ABCG2: variants seen among roughly 807,000 people sequenced by gnomAD.
ABCG2 encodes broad substrate specificity ATP-binding cassette transporter ABCG2.
Under a neutral mutation model 73.5 loss-of-function variants are expected in ABCG2, and 80 were observed. That is an observed-to-expected ratio of 1.09 (90% CI 0.91 to 1.31). ABCG2 has a LOEUF of 1.31. Ranked by LOEUF, ABCG2 falls within the 50% of genes most tolerant of loss-of-function variation. The probability of loss-of-function intolerance (pLI) is 0.00; values close to 1 mark genes in which losing one functional copy is unlikely to be tolerated. For missense variants in ABCG2, 796 were observed against 786.2 expected (o/e 1.01, Z -0.15); for synonymous variants, 269 against 282.4 (o/e 0.95, Z 0.48).
At chr4:88,213,430 C>T (rs1004822142) in intron 1 of ABCG2, among the ~76,000 whole-genome samples, 12 of 152,030 alleles carry the variant, frequency 7.9e-5, no homozygotes, top group Non-Finnish European at 1.5e-4. Flanking sequence ...TTCTGTTCAC[C>T]GTATCTGCCC....
Position 88,118,000 on chromosome 4 carries a change from C to A in ABCG2, c.841+109G>T, listed in dbSNP as rs1723709143. ...CAAACACATTTTGAAGTGATAGATTCTCATGGTATGTCTACCCAAAGACCA... is the reference window on the plus strand; with the variant it reads ...CAAACACATTTTGAAGTGATAGATTATCATGGTATGTCTACCCAAAGACCA... On this transcript the variant is annotated intron_variant, in intron 7 of 15. Coordinates refer to ENST00000237612, the MANE Select transcript of ABCG2 (RefSeq NM_004827.3). The A allele has an allele frequency of 2.0e-5, 22 of 1,081,694 alleles. No individual in the cohort carries two copies. In the South Asian group the frequency reaches 3.9e-4, roughly 19 times the overall value. The allele number at this position is 1,081,694 out of a possible 1,614,324, so 67.0% of individuals were successfully genotyped here.
At chr4:88,171,389 G>T (rs1200356510) in intron 1 of ABCG2, among the ~76,000 whole-genome samples, 3 of 149,112 alleles carry the variant, frequency 2.0e-5, no homozygotes, top group Admixed American at 1.3e-4. Context: ...CTAAAGAGAT[G>T]ACTTAAACTG....
chr4:88,147,512 A>G (rs1259717437), intron 1 of ABCG2, among the ~76,000 whole-genome samples: 3 of 152,212 alleles, frequency 2.0e-5, no homozygotes, highest in Admixed American at 2.0e-4. Flanking sequence ...TGCAATTTCT[A>G]AAAGTCATAT....
At chr4:88,216,375 C>T (rs1430524741) in intron 1 of ABCG2, among the ~76,000 whole-genome samples, 1 of 152,132 alleles carries the variant, frequency 6.6e-6, no homozygotes, top group African/African-American at 2.4e-5. Flanking sequence ...GATTGTATCA[C>T]GATGGTGGAG....
chr4:88,199,010 C>A (rs1729047488), intron 1 of ABCG2, among the ~76,000 whole-genome samples: 2 of 151,770 alleles, frequency 1.3e-5, no homozygotes, highest in Non-Finnish European at 1.5e-5. Context: ...GCTGTGTCAC[C>A]CAGGCTGGAG....
At chr4:88,177,827 T>C (rs1335346181) in intron 1 of ABCG2, among the ~76,000 whole-genome samples, 4 of 151,998 alleles carry the variant, frequency 2.6e-5, no homozygotes, top group Non-Finnish European at 5.9e-5. Flanking sequence ...CCTGTCTCAG[T>C]GGAAAGAACA....
At chr4:88,193,258 G>A (rs553873296) in intron 1 of ABCG2, among the ~76,000 whole-genome samples, 1 of 152,052 alleles carries the variant, frequency 6.6e-6, no homozygotes, top group African/African-American at 2.4e-5. Context: ...AAAATTATAA[G>A]ATGAACAAAA....
intron 1 of ABCG2, among the ~76,000 whole-genome samples, chr4:88,152,440 T>TAGG (rs1327770688): frequency 6.6e-6 from 1 of 151,860 alleles, no homozygotes; most frequent in Non-Finnish European, 1.5e-5. Context: ...CAAAGGGAGA[T>TAGG]AGGGATGGGG....
intron 2 of ABCG2, among the ~76,000 whole-genome samples, chr4:88,137,298 G>C (rs961593509): frequency 2.0e-5 from 3 of 152,182 alleles, no homozygotes; most frequent in African/African-American, 7.2e-5. Flanking sequence ...CTATGATAGT[G>C]GTGGCTGACT....
intron 1 of ABCG2, among the ~76,000 whole-genome samples, chr4:88,185,907 G>A (rs546845526): frequency 2.0e-3 from 298 of 152,260 alleles, no homozygotes; most frequent in Non-Finnish European, 3.3e-3. Flanking sequence ...ACTGTTGGCA[G>A]GAATACATAT....
At chr4:88,214,925 C>G (rs1250295836) in intron 1 of ABCG2, among the ~76,000 whole-genome samples, 1 of 150,470 alleles carries the variant, frequency 6.6e-6, no homozygotes, top group East Asian at 2.0e-4. Flanking sequence ...GTCTGGCCTA[C>G]AAAAATTTAA....
rs1197006098 is a variant in ABCG2 at position 88,202,368 on chromosome 4, ATATATATATG to A, written c.-20+28616_-20+28625del. On this transcript the variant is annotated intron_variant, in intron 1 of 15. Transcript: ENST00000515655. ...TCTACAATTATTTATATATATATAT[ATATATATATG>A]TATATTTTAATTAGCTGGGCATGGT... Among the ~76,000 whole-genome samples, 813 of 112,576 alleles carry A rather than the reference ATATATATATG, an allele frequency of 7.2e-3. 35 individuals are homozygous for A. The highest frequency in any genetic ancestry group is 0.023 in the African/African-American group (770 of 32,834). The allele number at this position is 112,576 out of a possible 152,430, so 73.9% of individuals were successfully genotyped here.
chr4:88,133,360 G>A (rs45555139), intron 2 of ABCG2, among the ~76,000 whole-genome samples: 10,432 of 150,566 alleles, frequency 0.069, 526 homozygotes, highest in Non-Finnish European at 0.1. Flanking sequence ...AAACATGACC[G>A]AAAGAAAAAA....
At chr4:88,215,348 G>A (rs368808911) in intron 1 of ABCG2, among the ~76,000 whole-genome samples, 4 of 152,178 alleles carry the variant, frequency 2.6e-5, no homozygotes, top group African/African-American at 4.8e-5. Flanking sequence ...TGGAGTTAAT[G>A]AGGTTGAAAT....
chr4:88,108,228 A>G (rs1466323446), intron 9 of ABCG2, among the ~76,000 whole-genome samples: 1 of 152,228 alleles, frequency 6.6e-6, no homozygotes, highest in African/African-American at 2.4e-5. Flanking sequence ...TAAATATTAA[A>G]AAACAAGAAA....
At chr4:88,135,078 C>T (rs1167187404) in intron 2 of ABCG2, among the ~76,000 whole-genome samples, 1 of 152,102 alleles carries the variant, frequency 6.6e-6, no homozygotes, top group African/African-American at 2.4e-5. Context: ...GCAACACAGA[C>T]GCATGGCCCA....
chr4:88,216,413 A>T (rs868305089), intron 1 of ABCG2, among the ~76,000 whole-genome samples: 24 of 152,308 alleles, frequency 1.6e-4, no homozygotes, highest in Admixed American at 3.3e-4. Flanking sequence ...GATCAAGATG[A>T]TCTATTTTGT....
Position 88,101,322 on chromosome 4 carries a change from GC to G in ABCG2, c.1278-4del. On this transcript the variant is annotated splice_polypyrimidine_tract_variant and splice_region_variant and intron_variant, in intron 10 of 15. Transcript: ENST00000237612. Reference sequence around the variant, plus strand: ...TCAGGAAGAAGAGAACCCCAGCTCTGCCATGAAAAGGGGAACCAAATCACCG... The same window carrying G: ...TCAGGAAGAAGAGAACCCCAGCTCTGCATGAAAAGGGGAACCAAATCACCG... 6.2e-7 allele frequency: 1 copy of G among 1,613,896 alleles called. No individual in the cohort carries two copies. The highest frequency in any genetic ancestry group is 8.5e-7 in the Non-Finnish European group (1 of 1,179,814).
chr4:88,108,926 A>G (rs1722938502), intron 9 of ABCG2, among the ~76,000 whole-genome samples: 1 of 152,230 alleles, frequency 6.6e-6, no homozygotes, highest in Non-Finnish European at 1.5e-5. Flanking sequence ...TGACTGTATC[A>G]ACAGGCATGC....
Sources: gnomAD v4.1 joint callset for allele counts (sites outside exome capture counted in the v4.1 genomes callset) on GRCh38, gnomAD v4.1.1 for gene constraint, MANE v1.5 for transcripts, NCBI Gene and HGNC (gene_info 2026-07-23, HGNC 2026-07-21) for gene names.